The following UBE4B variants were observed in gnomAD, a reference collection of about 807,000 sequenced individuals.
UBE4B encodes the protein ubiquitination factor E4B, also known as ubiquitin conjugation factor E4 B.
In UBE4B, 27 loss-of-function variants were observed where a neutral mutation model predicts 148.1. The observed-to-expected ratio is 0.18, with a 90% CI of 0.13 to 0.25. UBE4B has a LOEUF of 0.25. Among genes scored for constraint, UBE4B ranks in the 10% least tolerant of loss-of-function variants. The probability of loss-of-function intolerance (pLI) is 1.00; values close to 1 mark genes in which losing one functional copy is unlikely to be tolerated. For synonymous variants in UBE4B, 596 were observed against 619.3 expected (o/e 0.96, Z 0.56); for missense variants, 1,170 against 1,662.4 (o/e 0.70, Z 5.15).
intron 23 of UBE4B, among the ~76,000 whole-genome samples, chr1:10,165,762 C>T (rs927808366): frequency 4.6e-5 from 7 of 152,180 alleles, no homozygotes; most frequent in Admixed American, 2.6e-4. Flanking sequence ...GGGATACCTT[C>T]CCTGACCACC....
chr1:10,046,671 T>C (rs1349587540), intron 1 of UBE4B, among the ~76,000 whole-genome samples: 1 of 152,162 alleles, frequency 6.6e-6, no homozygotes, highest in African/African-American at 2.4e-5. Context: ...CTTTATTTTC[T>C]GGAGAGTTTT....
intron 17 of UBE4B, among the ~76,000 whole-genome samples, chr1:10,142,753 A>G (rs1201293109): frequency 1.3e-5 from 2 of 152,168 alleles, no homozygotes; most frequent in African/African-American, 2.4e-5. Flanking sequence ...AAAGCTGCCT[A>G]CGTTCCTCTG....
At chr1:10,050,135 G>A (rs1385220948) in intron 1 of UBE4B, among the ~76,000 whole-genome samples, 1 of 151,932 alleles carries the variant, frequency 6.6e-6, no homozygotes, top group East Asian at 1.9e-4. Context: ...GTGCAGTGGC[G>A]CTCTTGGCTC....
intron 2 of UBE4B, among the ~76,000 whole-genome samples, chr1:10,076,216 C>G (rs1313540621): frequency 6.6e-6 from 1 of 150,818 alleles, no homozygotes; most frequent in Non-Finnish European, 1.5e-5. Context: ...GATTTTTGTT[C>G]CAGACTCAAA....
chr1:10,114,966 A>G (rs1029626212), intron 7 of UBE4B, among the ~76,000 whole-genome samples: 1 of 152,084 alleles, frequency 6.6e-6, no homozygotes, highest in African/African-American at 2.4e-5. Flanking sequence ...TAGGTGGCTT[A>G]GTTACCTACT....
At chr1:10,134,826 C>A (rs905347476) in intron 15 of UBE4B, among the ~76,000 whole-genome samples, 162 bp from the exon 16 acceptor site, 9 of 151,776 alleles carry the variant, frequency 5.9e-5, no homozygotes, top group African/African-American at 1.7e-4. Context: ...TAGGTCCCAG[C>A]TACTTGGGAG....
intron 1 of UBE4B, among the ~76,000 whole-genome samples, chr1:10,067,068 CAG>C (rs776888653): frequency 2.6e-4 from 40 of 152,174 alleles, no homozygotes; most frequent in Non-Finnish European, 4.6e-4. Context: ...AAACTTATAA[CAG>C]TGTTTTGTGG....
intron 20 of UBE4B, among the ~76,000 whole-genome samples, chr1:10,149,880 C>T (rs1484474003): frequency 1.3e-5 from 2 of 152,084 alleles, no homozygotes; most frequent in African/African-American, 4.8e-5. Context: ...TCATGCTGGG[C>T]ACTGTGGCTC....
intron 2 of UBE4B, among the ~76,000 whole-genome samples, chr1:10,089,040 T>G (rs899270595): frequency 6.6e-6 from 1 of 152,074 alleles, no homozygotes; most frequent in Non-Finnish European, 1.5e-5. Context: ...AAAGTCTCGC[T>G]CTATGGCCCA....
At chr1:10,171,470 G>A in intron 25 of UBE4B, 141 bp downstream of exon 25, 2 of 1,064,594 alleles carry the variant, frequency 1.9e-6, no homozygotes, top group Non-Finnish European at 2.7e-6. Flanking sequence ...TTTGGGCTGG[G>A]CGCGGTGGCT....
At chr1:10,073,503 G>T in intron 2 of UBE4B, among the ~76,000 whole-genome samples, 1 of 152,042 alleles carries the variant, frequency 6.6e-6, no homozygotes, top group East Asian at 1.9e-4. Context: ...GGGTGGATCA[G>T]TTGAGGTCAG....
intron 16 of UBE4B, 98 bp from the exon 17 acceptor site, chr1:10,136,969 A>C: frequency 1.5e-6 from 2 of 1,317,124 alleles, no homozygotes; most frequent in Non-Finnish European, 2.1e-6. Flanking sequence ...TTTAAACTTC[A>C]TAAAAATTCA....
intron 1 of UBE4B, among the ~76,000 whole-genome samples, chr1:10,066,901 G>A (rs1376310865): frequency 3.3e-5 from 5 of 151,770 alleles, no homozygotes; most frequent in South Asian, 2.1e-4. Context: ...GCAAGACTCC[G>A]TCTCAAAAAA....
intron 10 of UBE4B, among the ~76,000 whole-genome samples, chr1:10,125,176 G>A (rs929481885): frequency 1.1e-4 from 17 of 152,304 alleles, no homozygotes; most frequent in African/African-American, 3.6e-4. Flanking sequence ...TATTTTACCT[G>A]TGCAATGCAC....
intron 12 of UBE4B, among the ~76,000 whole-genome samples, chr1:10,129,714 G>A (rs572364396): frequency 2.1e-4 from 32 of 151,836 alleles, no homozygotes; most frequent in African/African-American, 7.7e-4. Context: ...GCAGTGGTGG[G>A]ATCTTGGCAC....
At chr1:10,107,208 T>G (rs1645127585) in intron 7 of UBE4B, 1 of 1,289,636 alleles carries the variant, frequency 7.8e-7, no homozygotes, top group Non-Finnish European at 1.0e-6. Flanking sequence ...CCTTTTTTGC[T>G]TTTGTTGTGG....
intron 1 of UBE4B, among the ~76,000 whole-genome samples, chr1:10,044,666 C>T (rs746168688): frequency 4.6e-5 from 7 of 152,044 alleles, no homozygotes; most frequent in Non-Finnish European, 1.0e-4. Flanking sequence ...CACTGTAACT[C>T]CACCGCTTGG....
At position 10,126,802 on chromosome 1, in the gene UBE4B, C is replaced by T; in HGVS notation, c.1563C>T (p.Ile521=). ...TGTTTTTTTTCTTATAGATATTTAT[C>T]CCCATTTTACAAGGCCTGGCTCTTG... is the stretch of plus-strand genomic sequence containing the variant. ...QDEEVFKQIF[I]PILQGLALAA... Residue 521 remains isoleucine (I), a synonymous_variant, in exon 11 of 28, where the codon ATC becomes ATT. Coordinates refer to ENST00000343090, the MANE Select transcript of UBE4B (RefSeq NM_001105562.3). The T allele has an allele frequency of 3.1e-6, 5 of 1,613,158 alleles. No homozygotes were observed. The highest frequency in any genetic ancestry group is 4.2e-6 in the Non-Finnish European group (5 of 1,179,402).
intron 10 of UBE4B, among the ~76,000 whole-genome samples, chr1:10,122,805 T>C (rs1329118694): frequency 6.6e-6 from 1 of 152,222 alleles, no homozygotes; most frequent in Non-Finnish European, 1.5e-5. Flanking sequence ...GTTTGCTGTA[T>C]CATCACTTCC....
Sources: allele counts gnomAD v4.1 joint callset (sites outside exome capture counted in the v4.1 genomes callset), GRCh38; gene constraint gnomAD v4.1.1; transcripts MANE v1.5; gene names NCBI Gene and HGNC (gene_info 2026-07-23, HGNC 2026-07-21).